The following PEX5L variants were observed in gnomAD, a reference collection of about 807,000 sequenced individuals.
PEX5L encodes the protein peroxisomal biogenesis factor 5 like.
In PEX5L, 30 loss-of-function variants were observed where a neutral mutation model predicts 84.0. That is an observed-to-expected ratio of 0.36 (90% CI 0.27 to 0.48). The LOEUF (loss-of-function observed/expected upper bound fraction) is 0.48, where lower values mean the gene tolerates loss of function less well. Among genes scored for constraint, PEX5L ranks in the 20% least tolerant of loss-of-function variants. The pLI is 0.99. For missense variants in PEX5L, 533 were observed against 754.6 expected, an observed-to-expected ratio of 0.71 and a Z score of 3.44; for synonymous variants, 270 against 283.1, an observed-to-expected ratio of 0.95 and a Z score of 0.46.
intron 7 of PEX5L, among the ~76,000 whole-genome samples, chr3:179,871,783 C>T (rs996250365): frequency 4.6e-5 from 7 of 152,238 alleles, no homozygotes; most frequent in African/African-American, 1.7e-4. Flanking sequence ...CTCCCCGTAG[C>T]TTCACTGGAG....
intron 2 of PEX5L, among the ~76,000 whole-genome samples, chr3:179,963,604 C>T (rs1782604036): frequency 6.6e-6 from 1 of 152,122 alleles, no homozygotes; most frequent in Admixed American, 6.6e-5. Context: ...GTTGTATACA[C>T]AGACTATTTT....
chr3:179,924,970 T>A (rs1275828225), intron 2 of PEX5L, among the ~76,000 whole-genome samples: 1 of 152,204 alleles, frequency 6.6e-6, no homozygotes, highest in Non-Finnish European at 1.5e-5. Flanking sequence ...CATCTTAGAT[T>A]CTAGACATTT....
At chr3:180,035,432 A>T (rs1406925537) in intron 1 of PEX5L, among the ~76,000 whole-genome samples, 2 of 152,186 alleles carry the variant, frequency 1.3e-5, no homozygotes, top group Non-Finnish European at 2.9e-5. Context: ...AAACAGGATG[A>T]TGTTAGTCAT....
At position 179,840,179 on chromosome 3, in the gene PEX5L, G is replaced by T. The variant is rs1197712519; in HGVS notation, c.822+18883C>A. On this transcript the variant is annotated intron_variant, in intron 8 of 14. Coordinates refer to ENST00000467460, the MANE Select transcript of PEX5L (RefSeq NM_016559.3). ...TTGTTTTTTGTGTGTGTGTGTGTGTGTGTGTTTTTTTTTTTTTTTTTTTTT... is the reference window on the plus strand; with the variant it reads ...TTGTTTTTTGTGTGTGTGTGTGTGTTTGTGTTTTTTTTTTTTTTTTTTTTT... 3.8e-3 allele frequency among the ~76,000 whole-genome samples: 385 copies of T among 102,564 alleles called. 5 individuals carry two copies. The highest frequency in any genetic ancestry group is 0.015 in the African/African-American group (367 of 24,844). The allele number at this position is 102,564 out of a possible 152,430, so 67.3% of individuals were successfully genotyped here. A position where few individuals can be genotyped will look rare whatever the true frequency, so the allele number is the denominator to read the frequency against.
chr3:179,911,504 A>G (rs1765164070), intron 2 of PEX5L, among the ~76,000 whole-genome samples: 1 of 152,164 alleles, frequency 6.6e-6, no homozygotes, highest in Non-Finnish European at 1.5e-5. Context: ...AGGATAAACT[A>G]GGTAATATAT....
intron 2 of PEX5L, among the ~76,000 whole-genome samples, chr3:179,944,853 T>A (rs1041395604): frequency 6.6e-5 from 10 of 152,202 alleles, no homozygotes; most frequent in African/African-American, 2.2e-4. Context: ...ATCACTGAAA[T>A]GAAGTGAAAT....
rs1744365604 is a variant in PEX5L, at chr3:179,857,288, G to A, written c.822+1774C>T. On this transcript the variant is annotated intron_variant, in intron 8 of 14. Transcript: ENST00000467460. ...GGCATGAAGAGGAAAGATTAATTCT[G>A]ACTTGCTCCAGAGGGGGTAAAACCA... 2.6e-5 allele frequency among the ~76,000 whole-genome samples: 4 copies of A among 152,286 alleles called. No individual in the cohort carries two copies. The South Asian group carries it at 8.3e-4, about 32-fold the overall frequency.
rs376009385 is a variant in PEX5L at position 179,802,078 on chromosome 3, G to A, written c.1677-46C>T. ...ATTTTAAAATGAGTCACATTTCAGA[G>A]TTAGCAAATGTAAACAAAACAAAAC... On this transcript the variant is annotated intron_variant, in intron 14 of 14. Coordinates refer to ENST00000467460, the MANE Select transcript of PEX5L (RefSeq NM_016559.3). The A allele has an allele frequency of 1.5e-5, 20 of 1,340,204 alleles. No homozygotes were observed. In the African/African-American group the frequency reaches 2.6e-4, roughly 17 times the overall value. The allele number at this position is 1,340,204 out of a possible 1,614,324, so 83.0% of individuals were successfully genotyped here.
intron 8 of PEX5L, among the ~76,000 whole-genome samples, chr3:179,845,581 C>T (rs1466497965): frequency 6.6e-6 from 1 of 152,084 alleles, no homozygotes; most frequent in East Asian, 1.9e-4. Flanking sequence ...TATTTCCAAC[C>T]AAATTCCAAG....
At chr3:180,024,971 T>A (rs1050137199) in intron 1 of PEX5L, among the ~76,000 whole-genome samples, 1 of 152,128 alleles carries the variant, frequency 6.6e-6, no homozygotes. Context: ...AGAGATACAG[T>A]TAGAAACCAT....
intron 2 of PEX5L, among the ~76,000 whole-genome samples, chr3:179,912,613 A>G (rs1765574925): frequency 6.6e-6 from 1 of 152,122 alleles, no homozygotes; most frequent in South Asian, 2.1e-4. Flanking sequence ...CACTGAATTG[A>G]AGAAAGCTCA....
intron 5 of PEX5L, among the ~76,000 whole-genome samples, chr3:179,875,741 C>T (rs547371840): frequency 3.3e-5 from 5 of 152,272 alleles, no homozygotes; most frequent in African/African-American, 1.2e-4. Flanking sequence ...ATTGCTTTTA[C>T]AGTTAAAGCA....
intron 2 of PEX5L, among the ~76,000 whole-genome samples, chr3:179,955,738 G>T: frequency 6.6e-6 from 1 of 151,472 alleles, no homozygotes; most frequent in Admixed American, 6.6e-5. Flanking sequence ...AATCTTTTGG[G>T]GCAGTTGAAA....
At chr3:180,008,481 C>T (rs2110455719) in intron 1 of PEX5L, among the ~76,000 whole-genome samples, 1 of 152,356 alleles carries the variant, frequency 6.6e-6, no homozygotes, top group African/African-American at 2.4e-5. Context: ...TCCAAAGCTG[C>T]TTCCACATTT....
chr3:179,829,769 T>G (rs888967585), intron 8 of PEX5L, among the ~76,000 whole-genome samples: 118 of 131,748 alleles, frequency 9.0e-4, no homozygotes, highest in Middle Eastern at 3.9e-3. Context: ...AAACTTGCTA[T>G]ATCTTTTTTT....
intron 1 of PEX5L, among the ~76,000 whole-genome samples, chr3:179,991,856 T>C (rs1787408096): frequency 6.6e-6 from 1 of 152,222 alleles, no homozygotes. Context: ...AGATAAATCA[T>C]AGGTAGACAT....
chr3:180,021,068 C>G (rs1348106796), intron 1 of PEX5L, among the ~76,000 whole-genome samples: 1 of 152,046 alleles, frequency 6.6e-6, no homozygotes, highest in African/African-American at 2.4e-5. Context: ...GCTATGAGAA[C>G]ATGAGGAAGG....
chr3:179,881,958 T>A (rs1754293767), intron 4 of PEX5L, among the ~76,000 whole-genome samples: 1 of 152,060 alleles, frequency 6.6e-6, no homozygotes. Context: ...CTAAGCTGCC[T>A]GGCTTTATGT....
At chr3:179,806,800 G>T (rs927380976) in intron 14 of PEX5L, among the ~76,000 whole-genome samples, 3 of 152,094 alleles carry the variant, frequency 2.0e-5, no homozygotes, top group African/African-American at 7.2e-5. Context: ...AAGAAATTGA[G>T]GCTAAAAATT....
Sources: allele counts gnomAD v4.1 joint callset (sites outside exome capture counted in the v4.1 genomes callset), GRCh38; gene constraint gnomAD v4.1.1; transcripts MANE v1.5; gene names NCBI Gene and HGNC (gene_info 2026-07-23, HGNC 2026-07-21).